Variants in INSYN2B observed in about 807,000 individuals in gnomAD.
The protein encoded by INSYN2B is inhibitory synaptic factor family member 2B.
INSYN2B carries 16 observed loss-of-function variants against 41.2 expected under a neutral mutation model. The ratio of observed to expected loss-of-function variants is 0.39; its 90% CI spans 0.26 to 0.59. The LOEUF is 0.59. INSYN2B is among the 20% of genes least tolerant of loss of function. The pLI, the probability that INSYN2B is intolerant of heterozygous loss-of-function variation, is 0.57. For synonymous variants in INSYN2B, 245 were observed against 244.4 expected, an observed-to-expected ratio of 1.00 and a Z score of -0.02; for missense variants, 608 against 646.4, an observed-to-expected ratio of 0.94 and a Z score of 0.64.
At position 169,968,336 on chromosome 5, in the gene INSYN2B, G is replaced by A. The variant is rs556158657; in HGVS notation, c.-919+11941C>T. 4.6e-5 allele frequency among the ~76,000 whole-genome samples: 7 copies of A among 152,226 alleles called. No homozygotes were observed. In the East Asian group the frequency reaches 1.2e-3, roughly 25 times the overall value. On this transcript the variant is annotated intron_variant, in intron 1 of 3. Coordinates refer to ENST00000377365, the MANE Select transcript of INSYN2B (RefSeq NM_001129891.3). ...GCAGTCCTTTTAACCTCTTTGATAG[G>A]AGTCCAGCCACTCCCCTCCTTGAGA...
At chr5:169,894,952 G>A (rs1460989030) in intron 1 of INSYN2B, among the ~76,000 whole-genome samples, 2 of 152,184 alleles carry the variant, frequency 1.3e-5, no homozygotes, top group East Asian at 3.9e-4. Flanking sequence ...GGCCCCCCGT[G>A]AGGTCTGCCA....
intron 1 of INSYN2B, among the ~76,000 whole-genome samples, chr5:169,908,713 CTTTTTTTTT>C (rs34261104): frequency 4.8e-5 from 5 of 105,048 alleles, no homozygotes; most frequent in Admixed American, 3.2e-4. Context: ...TTTCTTTTTT[CTTTTTTTTT>C]TTTTTTTTTT....
chr5:169,865,544 T>C (rs1234825373), intron 3 of INSYN2B, among the ~76,000 whole-genome samples: 1 of 152,212 alleles, frequency 6.6e-6, no homozygotes, highest in East Asian at 1.9e-4. Flanking sequence ...CTTAATTGTC[T>C]TTCCTCCATG....
At chr5:169,952,278 A>G (rs1458498749) in intron 1 of INSYN2B, among the ~76,000 whole-genome samples, 1 of 152,184 alleles carries the variant, frequency 6.6e-6, no homozygotes, top group Non-Finnish European at 1.5e-5. Flanking sequence ...CCGTATAACA[A>G]TTTATTGAGA....
At chr5:169,926,210 C>A (rs1775445722) in intron 1 of INSYN2B, among the ~76,000 whole-genome samples, 1 of 152,164 alleles carries the variant, frequency 6.6e-6, no homozygotes, top group African/African-American at 2.4e-5. Flanking sequence ...AGGCCCAGTG[C>A]CTGACTTGGG....
chr5:169,920,673 C>G (rs561929628), intron 1 of INSYN2B, among the ~76,000 whole-genome samples: 1 of 152,344 alleles, frequency 6.6e-6, no homozygotes, highest in African/African-American at 2.4e-5. Context: ...AGGTGATGGA[C>G]AGTGTAGCCA....
At chr5:169,897,938 G>T (rs1310450777) in intron 1 of INSYN2B, among the ~76,000 whole-genome samples, 1 of 152,190 alleles carries the variant, frequency 6.6e-6, no homozygotes, top group African/African-American at 2.4e-5. Flanking sequence ...CTACAAAGCT[G>T]CTCCCCTAGA....
At position 169,920,459 on chromosome 5, in the gene INSYN2B, T is replaced by C. The variant is rs1775113423; in HGVS notation, c.-918-35643A>G. On this transcript the variant is annotated intron_variant, in intron 1 of 3. Coordinates refer to ENST00000377365, the MANE Select transcript of INSYN2B (RefSeq NM_001129891.3). ...GGCAAAGTTTGTAAGGTGGTTTTTT[T>C]CCCTTCCTTTTTGGCTCAACAGTTT... Among the ~76,000 whole-genome samples the C allele has an allele frequency of 2.0e-5, 3 of 152,312 alleles. No homozygotes were observed. The South Asian group carries it at 6.2e-4, about 32-fold the overall frequency.
intron 1 of INSYN2B, among the ~76,000 whole-genome samples, chr5:169,920,651 A>T (rs1775122646): frequency 6.6e-6 from 1 of 152,218 alleles, no homozygotes; most frequent in Non-Finnish European, 1.5e-5. Context: ...GTGATAGCTC[A>T]GCCCCAGTGG....
chr5:169,936,259 A>C (rs533723676), intron 1 of INSYN2B, among the ~76,000 whole-genome samples: 1 of 152,352 alleles, frequency 6.6e-6, no homozygotes, highest in South Asian at 2.1e-4. Flanking sequence ...GGTTCTACAG[A>C]CAAGATAATG....
At chr5:169,920,967 ATT>A (rs1775142103) in intron 1 of INSYN2B, among the ~76,000 whole-genome samples, 1 of 152,218 alleles carries the variant, frequency 6.6e-6, no homozygotes, top group South Asian at 2.1e-4. Flanking sequence ...TGAGATTCAT[ATT>A]GTTAGGTCTT....
At chr5:169,904,377 T>C (rs2113594988) in intron 1 of INSYN2B, among the ~76,000 whole-genome samples, 1 of 152,302 alleles carries the variant, frequency 6.6e-6, no homozygotes, top group East Asian at 1.9e-4. Context: ...AAGAGCAACT[T>C]GTTCTCTCTA....
chr5:169,974,455 A>G (rs921757476), intron 1 of INSYN2B, among the ~76,000 whole-genome samples: 5 of 152,208 alleles, frequency 3.3e-5, no homozygotes, highest in Non-Finnish European at 7.4e-5. Flanking sequence ...AGTATCTAAC[A>G]TGTATTTAGC....
chr5:169,964,706 CA>C (rs1284809560), intron 1 of INSYN2B, among the ~76,000 whole-genome samples: 6 of 152,188 alleles, frequency 3.9e-5, no homozygotes, highest in Admixed American at 1.3e-4. Flanking sequence ...GCCCTGTCTT[CA>C]AATCTTATTG....
chr5:169,911,691 G>A (rs945268435), intron 1 of INSYN2B, among the ~76,000 whole-genome samples: 1 of 152,140 alleles, frequency 6.6e-6, no homozygotes, highest in Non-Finnish European at 1.5e-5. Context: ...CCTATAATTA[G>A]CCAAGAAGTT....
intron 1 of INSYN2B, among the ~76,000 whole-genome samples, chr5:169,936,079 A>G (rs759097338): frequency 6.6e-6 from 1 of 152,202 alleles, no homozygotes; most frequent in Non-Finnish European, 1.5e-5. Context: ...ATTTTTGCCA[A>G]TAAAAACAAA....
intron 1 of INSYN2B, among the ~76,000 whole-genome samples, chr5:169,960,661 T>C (rs1777046396): frequency 6.6e-6 from 1 of 152,228 alleles, no homozygotes; most frequent in Non-Finnish European, 1.5e-5. Context: ...TGTGTGGTAA[T>C]ATTCGGGTCT....
chr5:169,944,262 C>A (rs1194372259), intron 1 of INSYN2B, among the ~76,000 whole-genome samples: 1 of 152,204 alleles, frequency 6.6e-6, no homozygotes, highest in Non-Finnish European at 1.5e-5. Context: ...TTTCCTGTGA[C>A]CTGCCCATGC....
At chr5:169,902,914 A>G (rs539861077) in intron 1 of INSYN2B, among the ~76,000 whole-genome samples, 3 of 152,214 alleles carry the variant, frequency 2.0e-5, no homozygotes, top group African/African-American at 4.8e-5. Flanking sequence ...CTTGGCCAAC[A>G]TGGTGAAACC....
Sources: gnomAD v4.1 joint callset for allele counts (sites outside exome capture counted in the v4.1 genomes callset) on GRCh38, gnomAD v4.1.1 for gene constraint, MANE v1.5 for transcripts, NCBI Gene and HGNC (gene_info 2026-07-23, HGNC 2026-07-21) for gene names.